The following GRID1 variants were observed in gnomAD, a reference collection of about 807,000 sequenced individuals.
GRID1 encodes glutamate ionotropic receptor delta type subunit 1, also known as glutamate receptor ionotropic, delta-1.
In GRID1, 28 loss-of-function variants were observed where a neutral mutation model predicts 98.0. The ratio of observed to expected loss-of-function variants is 0.29; its 90% confidence interval spans 0.21 to 0.39. GRID1 has a LOEUF of 0.39. Ranked by LOEUF, GRID1 falls within the 10% of genes least tolerant of loss-of-function variation. GRID1 has a pLI of 1.00. For missense variants in GRID1, 1,111 were observed against 1,340.5 expected, an observed-to-expected ratio of 0.83 and a Z score of 2.67; for synonymous variants, 553 against 538.5, an observed-to-expected ratio of 1.03 and a Z score of -0.37.
At chr10:85,689,588 A>T (rs1841310346) in intron 12 of GRID1, among the ~76,000 whole-genome samples, 1 of 152,166 alleles carries the variant, frequency 6.6e-6, no homozygotes, top group African/African-American at 2.4e-5. Context: ...ATTGGAAAAA[A>T]ATCCTCAAAT....
At chr10:85,636,787 T>C (rs1263234942) in intron 13 of GRID1, among the ~76,000 whole-genome samples, 1 of 152,232 alleles carries the variant, frequency 6.6e-6, no homozygotes, top group African/African-American at 2.4e-5. Flanking sequence ...AAACTAATAA[T>C]GTAATTCATT....
intron 8 of GRID1, among the ~76,000 whole-genome samples, chr10:85,824,475 G>T (rs993224382): frequency 7.2e-5 from 11 of 152,174 alleles, no homozygotes; most frequent in Admixed American, 2.0e-4. Flanking sequence ...GCCTCCCAAG[G>T]TGCTGGCATT....
chr10:86,043,378 C>A (rs1357026352), intron 4 of GRID1, among the ~76,000 whole-genome samples: 1 of 152,216 alleles, frequency 6.6e-6, no homozygotes, highest in African/African-American at 2.4e-5. Context: ...ATAAGGCAGA[C>A]CTTCCTGACA....
At chr10:86,148,597 A>G (rs1373571307) in intron 3 of GRID1, among the ~76,000 whole-genome samples, 1 of 152,192 alleles carries the variant, frequency 6.6e-6, no homozygotes, top group East Asian at 1.9e-4. Flanking sequence ...AAAATTCATA[A>G]CAGACTCGAT....
chr10:86,122,193 C>T (rs1050677500), intron 4 of GRID1, among the ~76,000 whole-genome samples: 3 of 152,344 alleles, frequency 2.0e-5, no homozygotes, highest in South Asian at 2.1e-4. Flanking sequence ...TAAGCAGGCA[C>T]TAGCTTCTTT....
intron 4 of GRID1, among the ~76,000 whole-genome samples, chr10:86,062,565 A>G (rs1387615116): frequency 6.6e-6 from 1 of 152,158 alleles, no homozygotes; most frequent in African/African-American, 2.4e-5. Flanking sequence ...AGCCTGCCCT[A>G]GACAAATGCC....
chr10:85,776,550 C>T (rs758217134), intron 8 of GRID1, among the ~76,000 whole-genome samples: 1 of 152,154 alleles, frequency 6.6e-6, no homozygotes, highest in Non-Finnish European at 1.5e-5. Context: ...TGTGTTGAGA[C>T]CTCCACATAG....
intron 4 of GRID1, among the ~76,000 whole-genome samples, chr10:86,028,342 A>G (rs1291127229): frequency 6.6e-6 from 1 of 151,976 alleles, no homozygotes; most frequent in African/African-American, 2.4e-5. Context: ...AATTTTATAT[A>G]CTCATCAAGG....
At chr10:86,155,916 G>A (rs535512439) in intron 3 of GRID1, among the ~76,000 whole-genome samples, 92 of 152,306 alleles carry the variant, frequency 6.0e-4, no homozygotes, top group African/African-American at 2.2e-3. Flanking sequence ...AACAGGATGG[G>A]TGCAAGGCAT....
chr10:86,217,705 A>T (rs548667311), intron 2 of GRID1, among the ~76,000 whole-genome samples: 2 of 152,292 alleles, frequency 1.3e-5, no homozygotes, highest in South Asian at 4.1e-4. Context: ...TCACTGGGCC[A>T]TGGGAACAGA....
chr10:85,774,661 C>T (rs1248763880), intron 8 of GRID1, among the ~76,000 whole-genome samples: 3 of 151,996 alleles, frequency 2.0e-5, no homozygotes, highest in Admixed American at 6.6e-5. Context: ...AAAAAGTGGG[C>T]AAAGGACATG....
intron 3 of GRID1, among the ~76,000 whole-genome samples, chr10:86,181,887 A>G (rs570815807): frequency 5.9e-5 from 9 of 152,152 alleles, no homozygotes; most frequent in African/African-American, 2.2e-4. Context: ...AGGAACGTTG[A>G]CCCCCTCATT....
chr10:85,811,816 TAGAA>T (rs1842674361), intron 8 of GRID1, among the ~76,000 whole-genome samples: 1 of 152,140 alleles, frequency 6.6e-6, no homozygotes, highest in Admixed American at 6.5e-5. Flanking sequence ...TTCCCAAGTC[TAGAA>T]AGAGAGAGAT....
Position 85,940,231 on chromosome 10 carries a change from T to G in GRID1, c.727-23992A>C, listed in dbSNP as rs541684663. Among the ~76,000 whole-genome samples, 3 of 152,250 alleles carry G rather than the reference T, an allele frequency of 2.0e-5. No homozygotes were observed. The East Asian group carries it at 5.8e-4, about 29-fold the overall frequency. On this transcript the variant is annotated intron_variant, in intron 4 of 15. Coordinates refer to ENST00000327946, the MANE Select transcript of GRID1 (RefSeq NM_017551.3). ...CTTTTGATGGGACATGCCTCTCCAG[T>G]TGGTTCAGTCCCCAAGACTCTCTTG...
intron 12 of GRID1, among the ~76,000 whole-genome samples, chr10:85,696,969 T>C (rs1841401677): frequency 6.6e-6 from 1 of 152,082 alleles, no homozygotes; most frequent in African/African-American, 2.4e-5. Context: ...TTTAAAGTAA[T>C]TAATTGTAGG....
At chr10:86,300,824 C>T (rs1320246371) in intron 2 of GRID1, among the ~76,000 whole-genome samples, 1 of 152,156 alleles carries the variant, frequency 6.6e-6, no homozygotes, top group Admixed American at 6.5e-5. Flanking sequence ...CCACTCCCAC[C>T]TGGAGAATGC....
chr10:86,058,733 T>C (rs1019120125), intron 4 of GRID1, among the ~76,000 whole-genome samples: 2 of 152,218 alleles, frequency 1.3e-5, no homozygotes, highest in South Asian at 2.1e-4. Flanking sequence ...GCAGGCACCA[T>C]GAACTCAGCC....
intron 15 of GRID1, among the ~76,000 whole-genome samples, chr10:85,607,505 G>C (rs1235218575): frequency 6.6e-6 from 1 of 152,182 alleles, no homozygotes; most frequent in Admixed American, 6.5e-5. Context: ...TGAGAGTATT[G>C]GCTGGGTAAG....
chr10:85,609,383 C>T (rs899140655), intron 15 of GRID1, among the ~76,000 whole-genome samples: 7 of 152,226 alleles, frequency 4.6e-5, no homozygotes, highest in Admixed American at 4.6e-4. Flanking sequence ...CTGGGCCAGG[C>T]ACATCTTTAA....
Sources: gnomAD v4.1 joint callset for allele counts (sites outside exome capture counted in the v4.1 genomes callset) on GRCh38, gnomAD v4.1.1 for gene constraint, MANE v1.5 for transcripts, NCBI Gene and HGNC (gene_info 2026-07-23, HGNC 2026-07-21) for gene names.